Variants in ASXL2 observed in about 807,000 individuals in gnomAD.
ASXL2 encodes the protein putative Polycomb group protein ASXL2.
A neutral mutation model predicts 122.0 loss-of-function variants in ASXL2; 23 were observed. The ratio of observed to expected loss-of-function variants is 0.19; its 90% CI spans 0.14 to 0.27. ASXL2 has a LOEUF of 0.27. Ranked by LOEUF, ASXL2 falls within the 10% of genes least tolerant of loss-of-function variation. The pLI is 1.00. For synonymous variants in ASXL2, 650 were observed against 637.0 expected (o/e 1.02, Z -0.31); for missense variants, 1,518 against 1,713.8 (o/e 0.89, Z 2.02).
Position 25,758,680 on chromosome 2 carries a change from GT to G in ASXL2, c.939+801del, listed in dbSNP as rs369670596. Among the ~76,000 whole-genome samples, 747 of 133,854 alleles carry G rather than the reference GT, an allele frequency of 5.6e-3. 5 individuals carry two copies. The highest frequency in any genetic ancestry group is 0.016 in the African/African-American group (607 of 37,488). The allele number at this position is 133,854 out of a possible 152,430, so 87.8% of individuals were successfully genotyped here. A position where few individuals can be genotyped will look rare whatever the true frequency, so the allele number is the denominator to read the frequency against. ...TTTGGCATTTCTTTTTGCTACTTTT[GT>G]TTTTTTTTTTTTTTAAGTATAATTT... On this transcript the variant is annotated intron_variant, in intron 9 of 12. Transcript: ENST00000435504.
chr2:25,796,620 T>A (rs563636146), intron 5 of ASXL2, among the ~76,000 whole-genome samples: 1 of 152,178 alleles, frequency 6.6e-6, no homozygotes. Context: ...CCAAACGGAA[T>A]AAGAGCAAAG....
At chr2:25,855,730 A>G (rs1309984358) in intron 1 of ASXL2, among the ~76,000 whole-genome samples, 1 of 149,584 alleles carries the variant, frequency 6.7e-6, no homozygotes, top group Non-Finnish European at 1.5e-5. Context: ...GGTCCCAGCT[A>G]CTCAAGAGGC....
Position 25,742,235 on chromosome 2 carries a change from G to C in ASXL2, c.4102C>G (p.Pro1368Ala), listed in dbSNP as rs759270666. The C allele has an allele frequency of 1.2e-6, 2 of 1,613,822 alleles. No homozygotes were observed. Among genetic ancestry groups the C allele is most frequent in the Admixed American group, 3.3e-5 (2 of 59,970 alleles). Residue 1368 changes from proline to alanine, a missense_variant, in exon 13 of 13, where the codon CCT becomes GCT. This residue lies in a region of ASXL2 where 831 missense variants were observed against 833.1 expected (regional missense o/e 1.00). Coordinates refer to ENST00000435504, the MANE Select transcript of ASXL2 (RefSeq NM_018263.6). The stretch of plus-strand genomic sequence containing the variant: ...CTGGGATTCATAGCTTGGCTAGCAG[G>C]GATGGTAGTGACAGTCACTGAAAAT... ...MSFSVTVTTIPASQAMNPSSH... is the reference protein window; with the variant it reads ...MSFSVTVTTIAASQAMNPSSH...
intron 1 of ASXL2, among the ~76,000 whole-genome samples, chr2:25,874,397 G>GAGGATTGCTTGAGCCTGGC (rs2089994677): frequency 6.6e-6 from 1 of 152,190 alleles, no homozygotes; most frequent in Non-Finnish European, 1.5e-5. Flanking sequence ...GCTGAGCTGG[G>GAGGATTGCTTGAGCCTGGC]AGGATTGCTT....
chr2:25,813,777 G>A (rs534199850), intron 3 of ASXL2, among the ~76,000 whole-genome samples: 21 of 152,348 alleles, frequency 1.4e-4, no homozygotes, highest in Admixed American at 2.6e-4. Flanking sequence ...TCGGCCGGGC[G>A]CAGTGGCTCA....
At chr2:25,764,215 A>C (rs1379331069) in intron 8 of ASXL2, among the ~76,000 whole-genome samples, 56 of 152,196 alleles carry the variant, frequency 3.7e-4, no homozygotes, top group Admixed American at 3.7e-3. Context: ...TGTACATGTT[A>C]ATCATATTTG....
intron 9 of ASXL2, among the ~76,000 whole-genome samples, chr2:25,756,465 G>GAAAAAAAAAGAAAAAAAAAAAAAAAA (rs2088136770): frequency 2.2e-5 from 2 of 91,420 alleles, no homozygotes; most frequent in African/African-American, 7.7e-5. Flanking sequence ...AAAAAAAAAA[G>GAAAAAAAAAGAAAAAAAAAAAAAAAA]AAAAAAAAAA....
chr2:25,863,733 C>T (rs187323284), intron 1 of ASXL2, among the ~76,000 whole-genome samples: 1 of 151,502 alleles, frequency 6.6e-6, no homozygotes, highest in African/African-American at 2.4e-5. Flanking sequence ...AGGTCGGGTG[C>T]CGTGGCTCAC....
chr2:25,876,778 C>T (rs2090012707), intron 1 of ASXL2, among the ~76,000 whole-genome samples: 1 of 152,128 alleles, frequency 6.6e-6, no homozygotes, highest in Non-Finnish European at 1.5e-5. Flanking sequence ...AGTGAAAACA[C>T]CCAGTAAGTA....
intron 4 of ASXL2, among the ~76,000 whole-genome samples, chr2:25,804,245 T>A (rs781333981): frequency 2.6e-5 from 4 of 152,184 alleles, no homozygotes; most frequent in Non-Finnish European, 2.9e-5. Context: ...GTAACACATA[T>A]ATGCATGGAC....
intron 11 of ASXL2, 48 bp downstream of exon 11, chr2:25,753,486 T>C: frequency 7.2e-7 from 1 of 1,390,882 alleles, no homozygotes; most frequent in Non-Finnish European, 1.0e-6. Context: ...CTACATGACT[T>C]ATATGTAGGA....
At chr2:25,746,386 G>A (rs994345358) in intron 12 of ASXL2, among the ~76,000 whole-genome samples, 1 of 151,214 alleles carries the variant, frequency 6.6e-6, no homozygotes, top group Non-Finnish European at 1.5e-5. Flanking sequence ...CATCCAATTC[G>A]AACAAGCCTA....
At chr2:25,808,759 G>C (rs1182286715) in intron 3 of ASXL2, among the ~76,000 whole-genome samples, 1 of 152,158 alleles carries the variant, frequency 6.6e-6, no homozygotes, top group African/African-American at 2.4e-5. Flanking sequence ...TTGCACTATT[G>C]ATTTGTCTTT....
rs905694470 is a variant in ASXL2 at position 25,735,301 on chromosome 2, T to A, written c.*6728A>T. 3.3e-5 allele frequency: 5 copies of A among 152,264 alleles called. No individual in the cohort carries two copies. The highest frequency in any genetic ancestry group is 7.2e-5 in the African/African-American group (3 of 41,476). 9.4% of individuals were successfully genotyped at this position (152,264 alleles called of 1,614,324 possible). Reference sequence around the variant, plus strand: ...AAATGTTACCAAGTATTAGGAAAACTGAGGACACTCATCCTCCTGGTTCCT... The same window carrying A: ...AAATGTTACCAAGTATTAGGAAAACAGAGGACACTCATCCTCCTGGTTCCT... On this transcript the variant is annotated 3_prime_UTR_variant, in exon 13 of 13. Transcript: ENST00000435504.
intron 2 of ASXL2, among the ~76,000 whole-genome samples, chr2:25,839,153 C>A (rs1196145431): frequency 6.6e-6 from 1 of 152,172 alleles, no homozygotes; most frequent in African/African-American, 2.4e-5. Flanking sequence ...TTGGAACAAG[C>A]AATTCTGTGT....
chr2:25,819,647 A>G (rs1429835775), intron 3 of ASXL2, among the ~76,000 whole-genome samples: 1 of 152,124 alleles, frequency 6.6e-6, no homozygotes, highest in Non-Finnish European at 1.5e-5. Flanking sequence ...GCCTGCACTA[A>G]AAAAAATGTC....
At position 25,839,656 on chromosome 2, in the gene ASXL2, T is replaced by TTG. The variant is rs917629859; in HGVS notation, c.141-4118_141-4117dup. ...TTTTTTTAAGAGGCAGGGTCTTGCT[T>TTG]TGTTGCCCAGGGCTGGAGTGCAGTG... is the stretch of plus-strand genomic sequence containing the variant. On this transcript the variant is annotated intron_variant, in intron 2 of 12. Coordinates refer to ENST00000435504, the MANE Select transcript of ASXL2 (RefSeq NM_018263.6). Among the ~76,000 whole-genome samples the TTG allele has an allele frequency of 2.7e-5, 4 of 150,284 alleles. No homozygotes were observed. The East Asian group carries it at 7.8e-4, about 29-fold the overall frequency.
At chr2:25,853,642 T>C (rs2089744109) in intron 1 of ASXL2, among the ~76,000 whole-genome samples, 1 of 152,124 alleles carries the variant, frequency 6.6e-6, no homozygotes, top group South Asian at 2.1e-4. Context: ...ACCGTTTTTT[T>C]GTTTTTGAGA....
At chr2:25,801,012 G>A (rs375609568) in intron 4 of ASXL2, among the ~76,000 whole-genome samples, 6 of 152,018 alleles carry the variant, frequency 3.9e-5, no homozygotes, top group Non-Finnish European at 7.4e-5. Flanking sequence ...CTGTAGCCTC[G>A]ACCTCCCAGG....
Sources: allele counts gnomAD v4.1 joint callset (sites outside exome capture counted in the v4.1 genomes callset), GRCh38; gene constraint gnomAD v4.1.1; regional missense constraint gnomAD v4.1.1; transcripts MANE v1.5; gene names NCBI Gene and HGNC (gene_info 2026-07-23, HGNC 2026-07-21).